Variants in IGSF3 observed in about 807,000 individuals in gnomAD.
IGSF3 encodes glu-Trp-Ile EWI motif-containing protein 3.
IGSF3 carries 23 observed loss-of-function variants against 114.4 expected under a neutral mutation model. The ratio of observed to expected loss-of-function variants is 0.20; its 90% CI spans 0.14 to 0.28. The LOEUF is 0.28. IGSF3 is among the 10% of genes least tolerant of loss of function. IGSF3 has a pLI of 1.00. For synonymous variants in IGSF3, 571 were observed against 645.2 expected, an observed-to-expected ratio of 0.88 and a Z score of 1.74; for missense variants, 1,172 against 1,591.5, an observed-to-expected ratio of 0.74 and a Z score of 4.48.
chr1:116,667,147 G>A lies in IGSF3; in HGVS notation c.-630-191C>T, dbSNP rs1649366672. Among the ~76,000 whole-genome samples, 3 of 152,260 alleles carry A rather than the reference G, an allele frequency of 2.0e-5. No individual in the cohort carries two copies. The South Asian group carries it at 6.2e-4, about 32-fold the overall frequency. On this transcript the variant is annotated intron_variant, in intron 1 of 10. Coordinates refer to ENST00000369486, the MANE Select transcript of IGSF3 (RefSeq NM_001007237.3). ...CCCTGCCCAGAGCAGGGCAACAGTG[G>A]GAAGCCCGATTGTTCCTGAAATACT...
In IGSF3 at chr1:116,612,500, C is replaced by T. The variant is rs182968005; in HGVS notation, c.832+1265G>A. Among the ~76,000 whole-genome samples the T allele has an allele frequency of 2.0e-4, 30 of 152,240 alleles. No homozygotes were observed. In the East Asian group the frequency reaches 5.6e-3, roughly 28 times the overall value. Reference sequence around the variant, plus strand: ...CATCCCAGGAGCCTCCAATTGAAGACTTCTGGGACGAAGCCCCAAAATGTA... The same window carrying T: ...CATCCCAGGAGCCTCCAATTGAAGATTTCTGGGACGAAGCCCCAAAATGTA... On this transcript the variant is annotated intron_variant, in intron 4 of 10. Coordinates refer to ENST00000369486, the MANE Select transcript of IGSF3 (RefSeq NM_001007237.3). The surrounding 1 kb of genome is among the most constrained non-coding windows in gnomAD (Gnocchi z 4.1).
In IGSF3 at chr1:116,596,720, T is replaced by G. The variant is rs533919672; in HGVS notation, c.2029+3221A>C. Among the ~76,000 whole-genome samples the G allele has an allele frequency of 1.2e-4, 18 of 152,314 alleles. No individual in the cohort carries two copies. Among genetic ancestry groups the G allele is most frequent in the Non-Finnish European group, 2.6e-4 (18 of 68,012 alleles). ...ACATATAATAATAAAATTAGGAACTTGGACTCTGGAGCCAAACTGCCTGTC... is the reference window on the plus strand; with the variant it reads ...ACATATAATAATAAAATTAGGAACTGGGACTCTGGAGCCAAACTGCCTGTC... On this transcript the variant is annotated intron_variant, in intron 7 of 10. Transcript: ENST00000369486. The surrounding 1 kb of genome is among the most constrained non-coding windows in gnomAD (Gnocchi z 4.1).
Position 116,608,314 on chromosome 1 carries a change from G to A in IGSF3, c.850C>T (p.Arg284Trp), listed in dbSNP as rs928745804. The A allele has an allele frequency of 5.6e-6, 9 of 1,613,050 alleles. No individual in the cohort carries two copies. The highest frequency in any genetic ancestry group is 2.2e-5 in the East Asian group (1 of 44,864). ...VQPTDKEFTV[R>W]LETEKRLHTV... ...TGCAGCCGCTTCTCTGTCTCCAGCC[G>A]AACAGTGAATTCTTTGTCTGAGAGA... Residue 284 changes from arginine to tryptophan, a missense_variant, in exon 5 of 11, where the codon CGG (arginine) becomes TGG (tryptophan). By Grantham distance (101) the Arg-to-Trp change is moderately radical (BLOSUM62 -3). This residue lies in a region of IGSF3 where 736 missense variants were observed against 1,042.0 expected (regional missense o/e 0.71). Transcript: ENST00000369486.
rs1416887812 is a variant in IGSF3, at chr1:116,618,393, G to A, written c.44-1936C>T. On this transcript the variant is annotated intron_variant, in intron 2 of 10. Transcript: ENST00000369486. The surrounding 1 kb of genome is among the most constrained non-coding windows in gnomAD (Gnocchi z 4.7). ...GCATAACATTTTTACTATATGTACA[G>A]TCATGCACTGAATAACATTTCAATC... 2.0e-5 allele frequency among the ~76,000 whole-genome samples: 3 copies of A among 152,192 alleles called. No individual in the cohort carries two copies. Among genetic ancestry groups the A allele is most frequent in the Non-Finnish European group, 2.9e-5 (2 of 68,040 alleles).
rs141257022 is a variant in IGSF3 at position 116,603,930 on chromosome 1, G to A, written c.1318C>T (p.Pro440Ser). The change falls in exon 6 of 11, where the codon CCG becomes TCG. Residue 440 changes from proline (P) to serine (S), a missense_variant. Pro to Ser is a moderately conservative substitution (Grantham distance 74). Coordinates refer to ENST00000369486, the MANE Select transcript of IGSF3 (RefSeq NM_001007237.3). The surrounding 1 kb of genome is among the most constrained non-coding windows in gnomAD (Gnocchi z 7.1). ...FSCSVRTAGR[P>S]QGRFSVIWQL... ...CAGATGACAGAGAAGCGACCCTGCG[G>A]CCTGCCTGCCGTGCGGACACTGCAG... is the stretch of plus-strand genomic sequence containing the variant. The A allele has an allele frequency of 9.2e-5, 148 of 1,613,864 alleles. 1 individual carries two copies. The highest frequency in any genetic ancestry group is 1.2e-4 in the Non-Finnish European group (143 of 1,180,032).
rs1179105725 is a variant in IGSF3, at chr1:116,662,232, G to A, written c.43+4052C>T. On this transcript the variant is annotated intron_variant, in intron 2 of 10. Coordinates refer to ENST00000369486, the MANE Select transcript of IGSF3 (RefSeq NM_001007237.3). This position sits in a 1 kb window ranked among gnomAD's most constrained non-coding sequence, Gnocchi z 4.3. ...ATTACAGGAATGTGCCACCATGCTCGGCTAATTTTTGTATTTTTAGTACAG... is the reference window on the plus strand; with the variant it reads ...ATTACAGGAATGTGCCACCATGCTCAGCTAATTTTTGTATTTTTAGTACAG... Among the ~76,000 whole-genome samples, 1 of 152,022 alleles carries A rather than the reference G, an allele frequency of 6.6e-6. No homozygotes were observed.
rs2336429 is a variant in IGSF3, at chr1:116,594,283, T to A, written c.2030-5179A>T. Among the ~76,000 whole-genome samples the A allele has an allele frequency of 0.041, 6,285 of 152,096 alleles. 413 individuals are homozygous for A. The highest frequency in any genetic ancestry group is 0.14 in the African/African-American group (5,901 of 41,458). ...TTATTTTACTATGAACTACTTTTTT[T>A]AAAAAAAACTTTCTTTATCCCACAA... On this transcript the variant is annotated intron_variant, in intron 7 of 10. Transcript: ENST00000369486. This position sits in a 1 kb window ranked among gnomAD's most constrained non-coding sequence, Gnocchi z 5.2.
rs752933561 is a variant in IGSF3, at chr1:116,603,962, C to T, written c.1286G>A (p.Arg429His). ...TGCCGTGCGGACACTGCAGGAGAAG[C>T]GCAGGTCCTCGCCCTCAAGGATGAC... ...ASVILEGEDL[R>H]FSCSVRTAGR... is the part of the protein sequence containing the mutation. The change falls in exon 6 of 11, where the codon CGC (arginine) becomes CAC (histidine). Residue 429 changes from arginine (R) to histidine (H), a missense_variant. Arg to His is a conservative substitution (Grantham distance 29, BLOSUM62 0). Around this residue, in one of 3 missense-constraint regions of IGSF3, gnomAD observed 736 missense variants for 1,042.0 expected, o/e 0.71. Transcript: ENST00000369486. This position sits in a 1 kb window ranked among gnomAD's most constrained non-coding sequence, Gnocchi z 7.1. 17 of 1,613,090 alleles carry T rather than the reference C, an allele frequency of 1.1e-5. No homozygotes were observed. Among genetic ancestry groups the T allele is most frequent in the African/African-American group, 8.0e-5 (6 of 74,910 alleles).
chr1:116,622,971 C>T (rs181789860), intron 2 of IGSF3, among the ~76,000 whole-genome samples: 36 of 152,324 alleles, frequency 2.4e-4, no homozygotes, highest in African/African-American at 8.4e-4. Flanking sequence ...CTGAACTGAG[C>T]TGCCACAGCA....
At position 116,623,005 on chromosome 1, in the gene IGSF3, C is replaced by T. The variant is rs186776345; in HGVS notation, c.44-6548G>A. ...CATGCTGAATTGGTGGAGTCCAGGC[C>T]AACTAAGTGCTTCATGGAACTTAAA... On this transcript the variant is annotated intron_variant, in intron 2 of 10. Coordinates refer to ENST00000369486, the MANE Select transcript of IGSF3 (RefSeq NM_001007237.3). Among the ~76,000 whole-genome samples the T allele has an allele frequency of 8.8e-4, 134 of 152,310 alleles. 1 individual carries two copies. The Middle Eastern group carries it at 0.02, about 23-fold the overall frequency.
intron 8 of IGSF3, among the ~76,000 whole-genome samples, chr1:116,586,652 C>G (rs1659856147): frequency 6.6e-6 from 1 of 152,056 alleles, no homozygotes; most frequent in African/African-American, 2.4e-5. Flanking sequence ...ATTGTAGTCT[C>G]AGAGAGGGAA....
intron 2 of IGSF3, among the ~76,000 whole-genome samples, chr1:116,635,261 C>T (rs1474750956): frequency 6.6e-6 from 1 of 152,162 alleles, no homozygotes; most frequent in Non-Finnish European, 1.5e-5. Context: ...CTTGAGTCAC[C>T]AATTCCAGAT....
chr1:116,664,657 A>G lies in IGSF3; in HGVS notation c.43+1627T>C, dbSNP rs1238467227. ...CATACAGTACAACAAATACAGATCCAATATGAAGAGACTGGCAAATGAAGG... is the reference window on the plus strand; with the variant it reads ...CATACAGTACAACAAATACAGATCCGATATGAAGAGACTGGCAAATGAAGG... On this transcript the variant is annotated intron_variant, in intron 2 of 10. Transcript: ENST00000369486. This position sits in a 1 kb window ranked among gnomAD's most constrained non-coding sequence, Gnocchi z 4.6. Among the ~76,000 whole-genome samples the G allele has an allele frequency of 6.6e-6, 1 of 152,206 alleles. No homozygotes were observed. The highest frequency in any genetic ancestry group is 1.5e-5 in the Non-Finnish European group (1 of 68,044).
intron 2 of IGSF3, among the ~76,000 whole-genome samples, chr1:116,619,961 A>G (rs911750174): frequency 6.6e-6 from 1 of 151,606 alleles, no homozygotes; most frequent in Non-Finnish European, 1.5e-5. Flanking sequence ...TTAATATTTT[A>G]CTCCTTCCCC....
rs1453867086 is a variant in IGSF3 at position 116,666,509 on chromosome 1, T to TG, written c.-184dup. ...AGGGAGTTGGGGGGAAGGGGAGGAG[T>TG]GGAGGCAAGTGTGAAAACTCCCCTA... On this transcript the variant is annotated 5_prime_UTR_variant, in exon 2 of 11. Transcript: ENST00000369486. The TG allele has an allele frequency of 1.6e-6, 1 of 634,686 alleles. No homozygotes were observed. The highest frequency in any genetic ancestry group is 2.8e-6 in the Non-Finnish European group (1 of 358,844). 39.3% of individuals were successfully genotyped at this position (634,686 alleles called of 1,614,324 possible). A position where few individuals can be genotyped will look rare whatever the true frequency, so the allele number is the denominator to read the frequency against.
rs112287456 is a variant in IGSF3 at position 116,607,081 on chromosome 1, A to G, written c.1222+861T>C. ...AAATTATTACAAGGCTCAGAGAAAG[A>G]ATAGTTTGAGCAGCTGAGACAAGGT... On this transcript the variant is annotated intron_variant, in intron 5 of 10. Coordinates refer to ENST00000369486, the MANE Select transcript of IGSF3 (RefSeq NM_001007237.3). This position sits in a 1 kb window ranked among gnomAD's most constrained non-coding sequence, Gnocchi z 6.1. 8.9e-3 allele frequency among the ~76,000 whole-genome samples: 1,358 copies of G among 152,338 alleles called. 23 individuals are homozygous for G. Among genetic ancestry groups the G allele is most frequent in the African/African-American group, 0.031 (1,294 of 41,578 alleles).
In IGSF3 at chr1:116,584,935, T is replaced by C. The variant is rs1479310124; in HGVS notation, c.2558A>G (p.Glu853Gly). The change falls in exon 9 of 11, where the codon GAA (glutamate) becomes GGA (glycine). Residue 853 changes from glutamate (E) to glycine (G), a missense_variant. Glu to Gly is a moderately conservative substitution (Grantham distance 98). This residue lies in a region of IGSF3 where 423 missense variants were observed against 509.8 expected (regional missense o/e 0.83). Coordinates refer to ENST00000369486, the MANE Select transcript of IGSF3 (RefSeq NM_001007237.3). This position sits in a 1 kb window ranked among gnomAD's most constrained non-coding sequence, Gnocchi z 5.8. The stretch of plus-strand genomic sequence containing the variant: ...GTGGTTGGGCTTCCATACAAACCAT[T>C]CCACCATGAGCTGGGAGGTTATGCT... ...RTSITSQLMV[E>G]WFVWKPNHPE... is the part of the protein sequence containing the mutation. 4 of 1,613,240 alleles carry C rather than the reference T, an allele frequency of 2.5e-6. No individual in the cohort carries two copies. Among genetic ancestry groups the C allele is most frequent in the Non-Finnish European group, 8.5e-7 (1 of 1,179,340 alleles).
rs1055758006 is a variant in IGSF3, at chr1:116,585,795, G to A, written c.2441-743C>T. 3.9e-5 allele frequency among the ~76,000 whole-genome samples: 6 copies of A among 152,226 alleles called. No homozygotes were observed. Among genetic ancestry groups the A allele is most frequent in the East Asian group, 1.9e-4 (1 of 5,172 alleles). ...AAATTAGCCAGGTGTGGTGGTGTGCGCCTGTAATCCCAGCTACTCGGGAGG... is the reference window on the plus strand; with the variant it reads ...AAATTAGCCAGGTGTGGTGGTGTGCACCTGTAATCCCAGCTACTCGGGAGG... On this transcript the variant is annotated intron_variant, in intron 8 of 10. Transcript: ENST00000369486. This position sits in a 1 kb window ranked among gnomAD's most constrained non-coding sequence, Gnocchi z 4.9.
rs1649230550 is a variant in IGSF3 at position 116,664,095 on chromosome 1, G to C, written c.43+2189C>G. 6.6e-6 allele frequency among the ~76,000 whole-genome samples: 1 copy of C among 152,150 alleles called. No individual in the cohort carries two copies. Among genetic ancestry groups the C allele is most frequent in the African/African-American group, 2.4e-5 (1 of 41,430 alleles). On this transcript the variant is annotated intron_variant, in intron 2 of 10. Coordinates refer to ENST00000369486, the MANE Select transcript of IGSF3 (RefSeq NM_001007237.3). This position sits in a 1 kb window ranked among gnomAD's most constrained non-coding sequence, Gnocchi z 4.6. ...AAAGTAGTAGCCAGGCCTCCTTCCT[G>C]CCATACTGAGAGCCATCAGGTGAAG...
Sources: allele counts gnomAD v4.1 joint callset (sites outside exome capture counted in the v4.1 genomes callset), GRCh38; gene constraint gnomAD v4.1.1; regional missense constraint gnomAD v4.1.1; non-coding constraint Gnocchi (gnomAD v3.1); transcripts MANE v1.5; gene names NCBI Gene and HGNC (gene_info 2026-07-23, HGNC 2026-07-21).